ZFYVE9: variants seen among roughly 807,000 people sequenced by gnomAD.
ZFYVE9 encodes the protein zinc finger FYVE-type containing 9.
ZFYVE9 carries 43 observed loss-of-function variants against 126.7 expected under a neutral mutation model. That is an observed-to-expected ratio of 0.34 (90% CI 0.27 to 0.44). ZFYVE9 has a LOEUF of 0.44. ZFYVE9 is among the 20% of genes least tolerant of loss of function. ZFYVE9 has a pLI of 1.00. For synonymous variants in ZFYVE9, 521 were observed against 597.4 expected (o/e 0.87, Z 1.87); for missense variants, 1,476 against 1,697.0 (o/e 0.87, Z 2.29).
intron 2 of ZFYVE9, 89 bp from the exon 3 acceptor site, chr1:52,233,082 T>G (rs1005879020): frequency 8.3e-6 from 4 of 483,908 alleles, no homozygotes; most frequent in Non-Finnish European, 1.3e-5. Context: ...TCTGGAAAGA[T>G]TTATAAGAGA....
At chr1:52,163,814 TAAAA>T (rs1034878292) in intron 1 of ZFYVE9, among the ~76,000 whole-genome samples, 3 of 144,560 alleles carry the variant, frequency 2.1e-5, no homozygotes, top group African/African-American at 7.6e-5. Flanking sequence ...TCTAAATTAT[TAAAA>T]AAAAAAAAGT....
In ZFYVE9 at chr1:52,330,768, GC is replaced by G. The variant is rs560231377; in HGVS notation, c.3439-1997del. ...TGTGCTTTCCTCCTATCCTAAGAAT[GC>G]CCAACCTCCTGGGATGCAGCCCAGC... On this transcript the variant is annotated intron_variant, in intron 13 of 18. Transcript: ENST00000287727. Among the ~76,000 whole-genome samples the G allele has an allele frequency of 8.5e-5, 13 of 152,208 alleles. No individual in the cohort carries two copies. The South Asian group carries it at 2.7e-3, about 32-fold the overall frequency.
At chr1:52,227,631 A>G (rs1645182164) in intron 2 of ZFYVE9, among the ~76,000 whole-genome samples, 1 of 152,242 alleles carries the variant, frequency 6.6e-6, no homozygotes, top group Non-Finnish European at 1.5e-5. Context: ...CACTGTTAAA[A>G]CTCATAGGAA....
chr1:52,149,935 T>G (rs982532496), intron 1 of ZFYVE9, among the ~76,000 whole-genome samples: 6 of 152,238 alleles, frequency 3.9e-5, no homozygotes, highest in Non-Finnish European at 8.8e-5. Flanking sequence ...GATATGCATT[T>G]CTGTTTGCAA....
chr1:52,297,406 T>A (rs1645987934), intron 12 of ZFYVE9, among the ~76,000 whole-genome samples: 1 of 151,710 alleles, frequency 6.6e-6, no homozygotes, highest in Admixed American at 6.6e-5. Flanking sequence ...CCTGGCTAAT[T>A]TTTTGTATTT....
In ZFYVE9 at chr1:52,317,254, C is replaced by T. The variant is rs1009683421; in HGVS notation, c.3438+13329C>T. Among the ~76,000 whole-genome samples the T allele has an allele frequency of 3.3e-5, 5 of 152,212 alleles. No homozygotes were observed. In the South Asian group the frequency reaches 1.0e-3, roughly 32 times the overall value. ...GAAAAAAAGGCCAGGTGCGGTGGCT[C>T]ATGCCTGTAATCTCAGCACTTTGGG... On this transcript the variant is annotated intron_variant, in intron 13 of 18. Transcript: ENST00000287727.
chr1:52,224,225 G>A (rs1057006688), intron 2 of ZFYVE9, among the ~76,000 whole-genome samples: 10 of 152,142 alleles, frequency 6.6e-5, no homozygotes, highest in Non-Finnish European at 1.5e-4. Context: ...GCATGTTCAG[G>A]TGGCTGTCCA....
intron 1 of ZFYVE9, among the ~76,000 whole-genome samples, chr1:52,171,153 C>T (rs1644564644): frequency 6.6e-6 from 1 of 151,404 alleles, no homozygotes; most frequent in Non-Finnish European, 1.5e-5. Flanking sequence ...CCTCCCCGCT[C>T]CCCCCACCCC....
intron 10 of ZFYVE9, among the ~76,000 whole-genome samples, chr1:52,291,802 C>T (rs992776131): frequency 5.5e-5 from 8 of 145,620 alleles, no homozygotes; most frequent in Non-Finnish European, 1.0e-4. Flanking sequence ...TGTTTGAACC[C>T]GGGAAGGAGA....
At chr1:52,281,564 T>A in intron 9 of ZFYVE9, 97 bp from the exon 10 acceptor site, 1 of 1,355,814 alleles carries the variant, frequency 7.4e-7, no homozygotes, top group Non-Finnish European at 1.0e-6. Context: ...TCTATTTTAA[T>A]CTTTGCTGTA....
intron 10 of ZFYVE9, among the ~76,000 whole-genome samples, chr1:52,282,849 CAA>C (rs934073131): frequency 1.3e-5 from 2 of 152,036 alleles, no homozygotes; most frequent in African/African-American, 4.8e-5. Flanking sequence ...GCCATTAAAA[CAA>C]TATTTATGAA....
chr1:52,258,410 A>C (rs1006647240), intron 4 of ZFYVE9, among the ~76,000 whole-genome samples: 1 of 152,156 alleles, frequency 6.6e-6, no homozygotes, highest in African/African-American at 2.4e-5. Context: ...TGTCAGAATG[A>C]CTGAGGTTGC....
chr1:52,238,239 A>T lies in ZFYVE9; in HGVS notation c.822A>T (p.Gly274=). The T allele has an allele frequency of 6.2e-7, 1 of 1,614,066 alleles. No homozygotes were observed. Among genetic ancestry groups the T allele is most frequent in the Non-Finnish European group, 8.5e-7 (1 of 1,179,962 alleles). Residue 274 remains glycine, a synonymous_variant, in exon 4 of 19, where the codon GGA becomes GGT. Transcript: ENST00000287727. The part of the protein sequence containing the change: ...LTVDSVISSQ[G]TDGCPAVKKQ... ...TTGATTCAGTAATCTCATCCCAGGG[A>T]ACAGATGGATGTCCTGCTGTTAAAA...
At chr1:52,181,779 C>G (rs528424407) in intron 1 of ZFYVE9, among the ~76,000 whole-genome samples, 2 of 151,914 alleles carry the variant, frequency 1.3e-5, no homozygotes, top group Non-Finnish European at 1.5e-5. Context: ...GCTGCGACCC[C>G]GTCTGGGAGG....
intron 1 of ZFYVE9, among the ~76,000 whole-genome samples, chr1:52,203,882 G>A (rs951802975): frequency 3.3e-5 from 5 of 151,826 alleles, no homozygotes; most frequent in African/African-American, 4.8e-5. Context: ...TTCTGTTATC[G>A]TGTTTTTGAT....
chr1:52,214,016 GGGGTCTAGAA>G (rs1242088306), intron 1 of ZFYVE9, among the ~76,000 whole-genome samples: 1 of 152,162 alleles, frequency 6.6e-6, no homozygotes, highest in Non-Finnish European at 1.5e-5. Flanking sequence ...TCATCCTGCA[GGGGTCTAGAA>G]GTTTATTTTC....
At chr1:52,180,092 A>T in intron 1 of ZFYVE9, 3 of 902,168 alleles carry the variant, frequency 3.3e-6, no homozygotes, top group Non-Finnish European at 5.6e-6. Flanking sequence ...AAGCAACTAA[A>T]TTGAAGAATA....
At chr1:52,279,930 T>A (rs1056970012) in intron 9 of ZFYVE9, among the ~76,000 whole-genome samples, 1 of 152,222 alleles carries the variant, frequency 6.6e-6, no homozygotes, top group Non-Finnish European at 1.5e-5. Flanking sequence ...AAGTTCTACA[T>A]TGATGAAATG....
chr1:52,176,368 G>T (rs1430147114), intron 1 of ZFYVE9, among the ~76,000 whole-genome samples: 2 of 152,196 alleles, frequency 1.3e-5, no homozygotes, highest in Non-Finnish European at 2.9e-5. Flanking sequence ...TTTTGTCTCA[G>T]AGGAGTACCC....
Sources: gnomAD v4.1 joint callset for allele counts (sites outside exome capture counted in the v4.1 genomes callset) on GRCh38, gnomAD v4.1.1 for gene constraint, MANE v1.5 for transcripts, NCBI Gene and HGNC (gene_info 2026-07-23, HGNC 2026-07-21) for gene names.